Variants in RBFOX1 observed in about 807,000 individuals in gnomAD.
The protein encoded by RBFOX1 is RNA binding fox-1 homolog 1.
Under a neutral mutation model 57.7 loss-of-function variants are expected in RBFOX1, and 8 were observed. That is an observed-to-expected ratio of 0.14 (90% CI 0.08 to 0.25). RBFOX1 has a LOEUF of 0.25. RBFOX1 is among the 10% of genes least tolerant of loss of function. The pLI, the probability that RBFOX1 is intolerant of heterozygous loss-of-function variation, is 1.00. For missense variants in RBFOX1, 611 were observed against 548.5 expected, an observed-to-expected ratio of 1.11 and a Z score of -1.14; for synonymous variants, 326 against 222.4, an observed-to-expected ratio of 1.47 and a Z score of -4.15.
chr16:6,059,474 A>G (rs1304967675), intron 1 of RBFOX1, among the ~76,000 whole-genome samples: 1 of 152,126 alleles, frequency 6.6e-6, no homozygotes, highest in East Asian at 1.9e-4. Flanking sequence ...TGTATCTCAT[A>G]TTTTGTTTCA....
chr16:5,812,290 T>C (rs1567573051), intron 3 of RBFOX1, among the ~76,000 whole-genome samples: 1 of 152,188 alleles, frequency 6.6e-6, no homozygotes, highest in East Asian at 1.9e-4. Context: ...TTTCTTTCTC[T>C]TGAGTAGCTA....
chr16:6,483,320 C>T (rs2095404828), intron 2 of RBFOX1: 2 of 1,429,036 alleles, frequency 1.4e-6, no homozygotes, highest in Non-Finnish European at 1.8e-6. Flanking sequence ...GCGCTCGGGG[C>T]GTTCTGCACC....
At chr16:7,332,417 G>A (rs897759177) in intron 4 of RBFOX1, among the ~76,000 whole-genome samples, 1 of 152,210 alleles carries the variant, frequency 6.6e-6, no homozygotes, top group African/African-American at 2.4e-5. Context: ...AAATCAGAGA[G>A]AGAGCGGGAG....
At chr16:5,827,771 C>G (rs184557503) in intron 3 of RBFOX1, among the ~76,000 whole-genome samples, 1 of 152,124 alleles carries the variant, frequency 6.6e-6, no homozygotes, top group African/African-American at 2.4e-5. Context: ...CACTGTGTCT[C>G]TACAGTTTTT....
intron 2 of RBFOX1, among the ~76,000 whole-genome samples, chr16:6,381,977 G>T (rs1168444125): frequency 1.3e-5 from 2 of 152,190 alleles, no homozygotes; most frequent in East Asian, 3.9e-4. Context: ...AAGTTTTCCT[G>T]TAAAGGGCCA....
chr16:7,138,921 G>A (rs1371229843), intron 4 of RBFOX1, among the ~76,000 whole-genome samples: 1 of 152,044 alleles, frequency 6.6e-6, no homozygotes, highest in African/African-American at 2.4e-5. Context: ...TAATTCTTGT[G>A]CCTCAGCCTC....
rs566886608 is a variant in RBFOX1 at position 5,781,847 on chromosome 16, A to T, written c.319-85456A>T. On this transcript the variant is annotated intron_variant, in intron 3 of 19. Transcript: ENST00000641259. ...GATATCAGAAAATGGTGGATTCCTC[A>T]TGAAGAGATTGTCTTAGTCCATTGT... Among the ~76,000 whole-genome samples, 10 of 152,302 alleles carry T rather than the reference A, an allele frequency of 6.6e-5. No homozygotes were observed. In the South Asian group the frequency reaches 1.9e-3, roughly 28 times the overall value.
chr16:6,224,625 T>G (rs1196707817), intron 1 of RBFOX1, among the ~76,000 whole-genome samples: 1 of 152,134 alleles, frequency 6.6e-6, no homozygotes, highest in African/African-American at 2.4e-5. Flanking sequence ...TATTTCTGCT[T>G]CATATGTACC....
At chr16:6,687,717 G>A (rs965897991) in intron 3 of RBFOX1, among the ~76,000 whole-genome samples, 1 of 152,108 alleles carries the variant, frequency 6.6e-6, no homozygotes, top group Non-Finnish European at 1.5e-5. Flanking sequence ...CAGCGGCCGG[G>A]GAGGACAGAG....
chr16:6,852,694 C>G (rs1020683580), intron 3 of RBFOX1, among the ~76,000 whole-genome samples: 1 of 145,966 alleles, frequency 6.9e-6, no homozygotes, highest in African/African-American at 2.6e-5. Context: ...GAGGTGCATG[C>G]CAGGAAATAG....
At chr16:7,314,878 T>C (rs1429283546) in intron 4 of RBFOX1, among the ~76,000 whole-genome samples, 2 of 152,230 alleles carry the variant, frequency 1.3e-5, no homozygotes, top group East Asian at 3.8e-4. Flanking sequence ...TGAAAAAGAA[T>C]GCAGCTTCGT....
At chr16:6,240,968 C>A (rs1286758255) in intron 1 of RBFOX1, among the ~76,000 whole-genome samples, 1 of 152,152 alleles carries the variant, frequency 6.6e-6, no homozygotes, top group East Asian at 1.9e-4. Flanking sequence ...TGATGTTTTT[C>A]CCCTTTACCG....
chr16:7,113,946 G>C (rs2065324983), intron 4 of RBFOX1, among the ~76,000 whole-genome samples: 1 of 151,994 alleles, frequency 6.6e-6, no homozygotes, highest in Admixed American at 6.6e-5. Context: ...TAGAATACTT[G>C]AGCTTTAAAA....
chr16:5,571,681 T>C (rs2046289682), intron 2 of RBFOX1, among the ~76,000 whole-genome samples: 2 of 152,190 alleles, frequency 1.3e-5, no homozygotes, highest in African/African-American at 2.4e-5. Context: ...AATGCAGTCA[T>C]GCAGGCCTGC....
At chr16:5,866,859 A>T (rs2057355121) in intron 3 of RBFOX1, among the ~76,000 whole-genome samples, 1 of 152,196 alleles carries the variant, frequency 6.6e-6, no homozygotes, top group South Asian at 2.1e-4. Flanking sequence ...TGCAAACATG[A>T]AGCTGCTGCT....
At chr16:6,164,621 C>G (rs1433400581) in intron 1 of RBFOX1, among the ~76,000 whole-genome samples, 3 of 151,864 alleles carry the variant, frequency 2.0e-5, no homozygotes, top group African/African-American at 7.3e-5. Context: ...TGTGAACCAC[C>G]ACACCTGGTA....
chr16:6,132,951 C>G (rs940740011), intron 1 of RBFOX1, among the ~76,000 whole-genome samples: 1 of 143,754 alleles, frequency 7.0e-6, no homozygotes, highest in African/African-American at 2.6e-5. Context: ...GGCAACAGAA[C>G]GAGACTCTGT....
chr16:5,795,449 C>T (rs1014602616), intron 3 of RBFOX1, among the ~76,000 whole-genome samples: 2 of 152,048 alleles, frequency 1.3e-5, no homozygotes, highest in Admixed American at 6.6e-5. Context: ...ACCACAGGCA[C>T]CTACCACCGT....
intron 4 of RBFOX1, among the ~76,000 whole-genome samples, chr16:5,888,531 C>G (rs150351882): frequency 0.018 from 2,802 of 152,232 alleles, 52 homozygotes; most frequent in Admixed American, 0.035. Context: ...CGCAGTGGCT[C>G]ACGCCTGTAA....
Sources: gnomAD v4.1 joint callset for allele counts (sites outside exome capture counted in the v4.1 genomes callset) on GRCh38, gnomAD v4.1.1 for gene constraint, MANE v1.5 for transcripts, NCBI Gene and HGNC (gene_info 2026-07-23, HGNC 2026-07-21) for gene names.